Variants in ATP2B1 observed in about 807,000 individuals in gnomAD.
ATP2B1 encodes the protein ATPase plasma membrane Ca2+ transporting 1.
In ATP2B1, 14 loss-of-function variants were observed where a neutral mutation model predicts 124.2. That is an observed-to-expected ratio of 0.11 (90% CI 0.07 to 0.18). The LOEUF is 0.18. ATP2B1 is among the 10% of genes least tolerant of loss of function. The pLI is 1.00. For synonymous variants in ATP2B1, 449 were observed against 492.4 expected, an observed-to-expected ratio of 0.91 and a Z score of 1.17; for missense variants, 763 against 1,466.1, an observed-to-expected ratio of 0.52 and a Z score of 7.83.
intron 1 of ATP2B1, among the ~76,000 whole-genome samples, chr12:89,697,545 G>T (rs924862698): frequency 2.4e-4 from 36 of 152,042 alleles, no homozygotes; most frequent in Non-Finnish European, 1.6e-4. Flanking sequence ...AGACACAGGA[G>T]ATGAATGACA....
intron 1 of ATP2B1, among the ~76,000 whole-genome samples, chr12:89,667,365 C>G (rs1204432577): frequency 6.6e-6 from 1 of 152,178 alleles, no homozygotes; most frequent in Non-Finnish European, 1.5e-5. Flanking sequence ...CTCACATTTA[C>G]CCCCTTTTAA....
At chr12:89,687,773 C>G (rs1220626501) in intron 1 of ATP2B1, among the ~76,000 whole-genome samples, 2 of 152,000 alleles carry the variant, frequency 1.3e-5, no homozygotes, top group Non-Finnish European at 2.9e-5. Flanking sequence ...TATTTTACAA[C>G]TTACAATAAT....
intron 1 of ATP2B1, among the ~76,000 whole-genome samples, chr12:89,699,778 G>A (rs1018217677): frequency 6.6e-6 from 1 of 152,118 alleles, no homozygotes; most frequent in African/African-American, 2.4e-5. Flanking sequence ...CAGGAGGGCC[G>A]GAGGTGATCA....
intron 12 of ATP2B1, among the ~76,000 whole-genome samples, chr12:89,616,427 A>C (rs1031822918): frequency 1.1e-4 from 17 of 152,320 alleles, no homozygotes; most frequent in Admixed American, 2.6e-4. Context: ...CTACTGTACT[A>C]AACAATATAC....
At chr12:89,658,596 C>CA (rs1886256540) in intron 1 of ATP2B1, among the ~76,000 whole-genome samples, 1 of 52,242 alleles carries the variant, frequency 1.9e-5, no homozygotes, top group African/African-American at 7.4e-5. Flanking sequence ...AGAATTCAAA[C>CA]AGGAGAGAGA....
At chr12:89,672,593 C>G (rs1221940829) in intron 1 of ATP2B1, among the ~76,000 whole-genome samples, 1 of 152,132 alleles carries the variant, frequency 6.6e-6, no homozygotes, top group East Asian at 1.9e-4. Context: ...ACGTCTCTTG[C>G]CTTCCGTGTA....
chr12:89,680,481 A>T (rs1392529597), intron 1 of ATP2B1, among the ~76,000 whole-genome samples: 1 of 152,206 alleles, frequency 6.6e-6, no homozygotes, highest in Non-Finnish European at 1.5e-5. Flanking sequence ...TGCTCATTGG[A>T]GAACGGATTT....
At chr12:89,658,975 A>T (rs1886341456) in intron 1 of ATP2B1, among the ~76,000 whole-genome samples, 2 of 152,298 alleles carry the variant, frequency 1.3e-5, no homozygotes, top group African/African-American at 2.4e-5. Context: ...CTATTTCTAG[A>T]TCACCCATAG....
intron 1 of ATP2B1, among the ~76,000 whole-genome samples, chr12:89,708,259 C>A (rs1236209926): frequency 6.6e-6 from 1 of 152,076 alleles, no homozygotes; most frequent in African/African-American, 2.4e-5. Context: ...GGCTGTGGCG[C>A]GGCCGAGGCG....
intron 1 of ATP2B1, among the ~76,000 whole-genome samples, chr12:89,667,185 T>C (rs749618198): frequency 6.6e-6 from 1 of 152,156 alleles, no homozygotes; most frequent in African/African-American, 2.4e-5. Flanking sequence ...TGGCTCTCTA[T>C]GAAGAGCCAT....
intron 7 of ATP2B1, 36 bp from the exon 8 acceptor site, chr12:89,626,651 T>C (rs755540203): frequency 6.5e-7 from 1 of 1,547,996 alleles, no homozygotes; most frequent in Non-Finnish European, 8.7e-7. Context: ...CACTATACTT[T>C]AAAGGCACAT....
chr12:89,607,458 T>C (rs967044662), intron 15 of ATP2B1, among the ~76,000 whole-genome samples: 2 of 152,194 alleles, frequency 1.3e-5, no homozygotes, highest in Non-Finnish European at 2.9e-5. Context: ...ATTATTTCCA[T>C]GTGCTGTGAA....
chr12:89,615,215 T>C (rs1878746244), intron 12 of ATP2B1, among the ~76,000 whole-genome samples: 1 of 152,182 alleles, frequency 6.6e-6, no homozygotes, highest in Non-Finnish European at 1.5e-5. Flanking sequence ...AACCATCAGA[T>C]TGCAACTCAA....
rs144537885 is a variant in ATP2B1 at position 89,595,553 on chromosome 12, C to T, written c.3351+3564G>A. On this transcript the variant is annotated intron_variant, in intron 20 of 20. Coordinates refer to ENST00000428670, the MANE Select transcript of ATP2B1 (RefSeq NM_001366521.1). ...AAATGGATTATTTCTTCTATTTTAG[C>T]TAAGCAAGGTCACCCAATAAGGGTT... 2.0e-3 allele frequency among the ~76,000 whole-genome samples: 304 copies of T among 152,114 alleles called. 1 individual carries two copies. The highest frequency in any genetic ancestry group is 7.1e-3 in the African/African-American group (295 of 41,524).
chr12:89,588,822 G>C lies in ATP2B1; in HGVS notation c.*2162C>G, dbSNP rs1045548130. The C allele has an allele frequency of 6.6e-6, 1 of 152,458 alleles. No individual in the cohort carries two copies. The highest frequency in any genetic ancestry group is 6.6e-5 in the Admixed American group (1 of 15,256). 9.4% of individuals were successfully genotyped at this position (152,458 alleles called of 1,614,324 possible). A position where few individuals can be genotyped will look rare whatever the true frequency, so the allele number is the denominator to read the frequency against. ...ATTTAAGCATAACCAAAATAAAAAA[G>C]AAAACTGAAAACATTTCCCTTTTCT... is the stretch of plus-strand genomic sequence containing the variant. On this transcript the variant is annotated 3_prime_UTR_variant, in exon 21 of 21. Coordinates refer to ENST00000428670, the MANE Select transcript of ATP2B1 (RefSeq NM_001366521.1).
chr12:89,627,295 G>A (rs973466329), intron 7 of ATP2B1, among the ~76,000 whole-genome samples: 5 of 151,320 alleles, frequency 3.3e-5, no homozygotes, highest in Non-Finnish European at 7.4e-5. Context: ...ATCAGGCAAT[G>A]TGTAGAAGGT....
intron 15 of ATP2B1, among the ~76,000 whole-genome samples, chr12:89,606,731 A>G (rs1876960532): frequency 6.6e-6 from 1 of 151,468 alleles, no homozygotes. Flanking sequence ...ACATCACCAC[A>G]CCCACTATTT....
intron 1 of ATP2B1, among the ~76,000 whole-genome samples, chr12:89,665,804 A>G (rs1887249073): frequency 6.6e-6 from 1 of 152,198 alleles, no homozygotes; most frequent in Non-Finnish European, 1.5e-5. Flanking sequence ...CTATCCTGTC[A>G]ATTCACAAGA....
intron 11 of ATP2B1, among the ~76,000 whole-genome samples, chr12:89,617,639 T>C (rs1321427431): frequency 6.6e-6 from 1 of 152,174 alleles, no homozygotes; most frequent in Non-Finnish European, 1.5e-5. Flanking sequence ...TATTTAAAGT[T>C]TGTTTTTCAT....
Sources: gnomAD v4.1 joint callset for allele counts (sites outside exome capture counted in the v4.1 genomes callset) on GRCh38, gnomAD v4.1.1 for gene constraint, MANE v1.5 for transcripts, NCBI Gene and HGNC (gene_info 2026-07-23, HGNC 2026-07-21) for gene names.